CNTNAP5: variants seen among roughly 807,000 people sequenced by gnomAD.
CNTNAP5 encodes contactin-associated protein-like 5.
CNTNAP5 carries 72 observed loss-of-function variants against 150.2 expected under a neutral mutation model. The observed-to-expected ratio is 0.48, with a 90% confidence interval of 0.40 to 0.58. CNTNAP5 has a LOEUF of 0.58. CNTNAP5 is among the 20% of genes least tolerant of loss of function. CNTNAP5 has a pLI of 0.00. For missense variants in CNTNAP5, 1,636 were observed against 1,626.2 expected, an observed-to-expected ratio of 1.01 and a Z score of -0.10; for synonymous variants, 672 against 619.8, an observed-to-expected ratio of 1.08 and a Z score of -1.25.
intron 13 of CNTNAP5, among the ~76,000 whole-genome samples, chr2:124,713,311 T>TTC: frequency 1.0e-5 from 1 of 100,122 alleles, no homozygotes; most frequent in South Asian, 4.1e-4. Context: ...CTTCTTTCTC[T>TTC]TTCTTTCCTT....
intron 12 of CNTNAP5, among the ~76,000 whole-genome samples, chr2:124,628,221 A>T (rs543527231): frequency 6.6e-6 from 1 of 152,288 alleles, no homozygotes; most frequent in South Asian, 2.1e-4. Flanking sequence ...GGGAACCCCA[A>T]TAAGATAATC....
At position 124,197,897 on chromosome 2, in the gene CNTNAP5, C is replaced by T. The variant is rs530678342; in HGVS notation, c.83-23808C>T. On this transcript the variant is annotated intron_variant, in intron 1 of 23. Coordinates refer to ENST00000682447, the MANE Select transcript of CNTNAP5 (RefSeq NM_001367498.1). Reference sequence around the variant, plus strand: ...TCAGGAGGCTGAGGCAGGAGAATGGCGTGAACCCGGGAAGCGGAGCTTGCA... The same window carrying T: ...TCAGGAGGCTGAGGCAGGAGAATGGTGTGAACCCGGGAAGCGGAGCTTGCA... Among the ~76,000 whole-genome samples the T allele has an allele frequency of 1.2e-4, 18 of 151,876 alleles. No homozygotes were observed. In the South Asian group the frequency reaches 3.1e-3, roughly 26 times the overall value.
At chr2:124,243,287 G>T (rs926952096) in intron 3 of CNTNAP5, among the ~76,000 whole-genome samples, 1 of 152,136 alleles carries the variant, frequency 6.6e-6, no homozygotes. Context: ...TTCCTTTTCA[G>T]ATTCTGTCCT....
intron 21 of CNTNAP5, among the ~76,000 whole-genome samples, chr2:124,895,452 C>T (rs1337915177): frequency 2.6e-5 from 4 of 151,460 alleles, no homozygotes; most frequent in Admixed American, 2.6e-4. Flanking sequence ...TAGTGAGACC[C>T]TTTCTCCACA....
At chr2:124,859,644 G>A (rs1283026120) in intron 19 of CNTNAP5, among the ~76,000 whole-genome samples, 2 of 152,142 alleles carry the variant, frequency 1.3e-5, no homozygotes, top group Admixed American at 6.5e-5. Flanking sequence ...CAATAGCAAA[G>A]ACTGAGAACC....
chr2:124,745,440 G>A (rs1680584367), intron 13 of CNTNAP5, among the ~76,000 whole-genome samples: 1 of 152,024 alleles, frequency 6.6e-6, no homozygotes, highest in Non-Finnish European at 1.5e-5. Context: ...CCCTCATGCT[G>A]GCTGGACTCA....
intron 6 of CNTNAP5, among the ~76,000 whole-genome samples, chr2:124,456,604 T>C (rs1044981786): frequency 6.6e-6 from 1 of 152,074 alleles, no homozygotes. Context: ...GGAGCCCACA[T>C]AGTCAAAACA....
chr2:124,300,907 C>T lies in CNTNAP5; in HGVS notation c.381+58514C>T, dbSNP rs559138417. On this transcript the variant is annotated intron_variant, in intron 3 of 23. Transcript: ENST00000682447. ...GAAATCTACTTGCCCACAGGAAATACGAAATCCAAGCATTCTAGATATAAT... is the reference window on the plus strand; with the variant it reads ...GAAATCTACTTGCCCACAGGAAATATGAAATCCAAGCATTCTAGATATAAT... 7.9e-5 allele frequency among the ~76,000 whole-genome samples: 12 copies of T among 152,214 alleles called. No individual in the cohort carries two copies. The South Asian group carries it at 8.3e-4, about 11-fold the overall frequency.
At chr2:124,805,312 T>G (rs1002793517) in intron 19 of CNTNAP5, among the ~76,000 whole-genome samples, 12 of 151,644 alleles carry the variant, frequency 7.9e-5, no homozygotes, top group East Asian at 1.9e-4. Context: ...TAGAGAGGGG[T>G]GTGTGTGTGT....
At chr2:124,100,855 ACT>A (rs1199829940) in intron 1 of CNTNAP5, among the ~76,000 whole-genome samples, 5 of 133,436 alleles carry the variant, frequency 3.7e-5, no homozygotes, top group South Asian at 2.5e-4. Flanking sequence ...AAAAAGTGAG[ACT>A]CTGTCTCAAA....
chr2:124,050,346 C>T (rs1233469407), intron 1 of CNTNAP5, among the ~76,000 whole-genome samples: 1 of 151,986 alleles, frequency 6.6e-6, no homozygotes, highest in African/African-American at 2.4e-5. Context: ...TGCCTGTAGT[C>T]TCAGCTACTC....
chr2:124,643,831 T>C (rs984699648), intron 12 of CNTNAP5, among the ~76,000 whole-genome samples: 2 of 152,236 alleles, frequency 1.3e-5, no homozygotes, highest in East Asian at 3.8e-4. Flanking sequence ...GAGCAGAACA[T>C]AGATTCCAAT....
intron 21 of CNTNAP5, among the ~76,000 whole-genome samples, chr2:124,889,588 T>C (rs1019439405): frequency 6.6e-6 from 1 of 152,124 alleles, no homozygotes; most frequent in Non-Finnish European, 1.5e-5. Context: ...TTCTAAATTT[T>C]ATGCTTTTGA....
chr2:124,829,920 T>C (rs969824147), intron 19 of CNTNAP5, among the ~76,000 whole-genome samples: 1 of 151,808 alleles, frequency 6.6e-6, no homozygotes, highest in Non-Finnish European at 1.5e-5. Context: ...CAAACTTTTA[T>C]AAAGTTTATG....
At chr2:124,366,633 A>G (rs919115652) in intron 3 of CNTNAP5, among the ~76,000 whole-genome samples, 3 of 152,066 alleles carry the variant, frequency 2.0e-5, no homozygotes, top group Admixed American at 1.3e-4. Context: ...GCCCAATTCT[A>G]CCCCTCCAGG....
chr2:124,738,745 A>G (rs1053394747), intron 13 of CNTNAP5, among the ~76,000 whole-genome samples: 1 of 151,408 alleles, frequency 6.6e-6, no homozygotes, highest in African/African-American at 2.4e-5. Context: ...AAAAAAAGAA[A>G]GAAAGAAAGA....
At chr2:124,120,705 T>C (rs900692744) in intron 1 of CNTNAP5, among the ~76,000 whole-genome samples, 9 of 152,120 alleles carry the variant, frequency 5.9e-5, no homozygotes, top group East Asian at 1.9e-4. Flanking sequence ...AGTGCAGTCA[T>C]AGGGGAAAGG....
Position 124,504,482 on chromosome 2 carries a change from T to G in CNTNAP5, c.1253T>G (p.Leu418Arg), listed in dbSNP as rs1694355529. The part of the protein sequence containing the change: ...TELSEGSGTL[L>R]LSLEGGILRL... ...CTGTCTGAGGGCTCGGGAACCCTGC[T>G]GCTGAGCCTGGAGGGTGGAATCCTG... The change falls in exon 8 of 24, where the codon CTG becomes CGG. Residue 418 changes from leucine (L) to arginine (R), a missense_variant. By Grantham distance (102) the Leu-to-Arg change is moderately radical. Transcript: ENST00000682447. 6.2e-7 allele frequency: 1 copy of G among 1,613,818 alleles called. No individual in the cohort carries two copies. Among genetic ancestry groups the G allele is most frequent in the East Asian group, 2.2e-5 (1 of 44,822 alleles).
intron 1 of CNTNAP5, among the ~76,000 whole-genome samples, chr2:124,196,070 G>GT (rs954289413): frequency 5.8e-4 from 58 of 100,224 alleles, no homozygotes; most frequent in South Asian, 2.2e-3. Context: ...AAAAATAGCA[G>GT]TTTTTTTTTT....
Sources: allele counts gnomAD v4.1 joint callset (sites outside exome capture counted in the v4.1 genomes callset), GRCh38; gene constraint gnomAD v4.1.1; transcripts MANE v1.5; gene names NCBI Gene and HGNC (gene_info 2026-07-23, HGNC 2026-07-21).